The following OVOL2 variants were observed in gnomAD, a reference collection of about 807,000 sequenced individuals.
OVOL2 encodes the protein ovo like zinc finger 2.
In OVOL2, 13 loss-of-function variants were observed where a neutral mutation model predicts 18.1. That is an observed-to-expected ratio of 0.72 (90% CI 0.47 to 1.14). The LOEUF (loss-of-function observed/expected upper bound fraction) is 1.14, where lower values mean the gene tolerates loss of function less well. OVOL2 is among the 50% of genes most tolerant of loss of function. The pLI is 0.00. For synonymous variants in OVOL2, 166 were observed against 162.7 expected, an observed-to-expected ratio of 1.02 and a Z score of -0.16; for missense variants, 335 against 383.0, an observed-to-expected ratio of 0.87 and a Z score of 1.05.
chr20:18,054,428 C>T (rs1009983836), intron 2 of OVOL2, among the ~76,000 whole-genome samples: 1 of 152,162 alleles, frequency 6.6e-6, no homozygotes, highest in Non-Finnish European at 1.5e-5. Context: ...TTCTTGTGGT[C>T]CTGGGAGCCC....
intron 3 of OVOL2, among the ~76,000 whole-genome samples, chr20:18,041,008 C>T (rs994539658): frequency 3.3e-5 from 5 of 152,110 alleles, no homozygotes; most frequent in Admixed American, 6.5e-5. Context: ...TTTTGAGCCT[C>T]GCTAGAACTC....
chr20:18,046,572 T>G (rs1310247177), intron 2 of OVOL2, among the ~76,000 whole-genome samples: 1 of 152,246 alleles, frequency 6.6e-6, no homozygotes, highest in Non-Finnish European at 1.5e-5. Context: ...TTGGAGATTC[T>G]TGTGAAGCAG....
intron 3 of OVOL2, among the ~76,000 whole-genome samples, chr20:18,039,169 T>C (rs2036646326): frequency 6.6e-6 from 1 of 152,098 alleles, no homozygotes; most frequent in African/African-American, 2.4e-5. Flanking sequence ...CTGAGAGGGG[T>C]AGTGACTTCT....
chr20:18,030,163 C>A (rs1008062041), intron 3 of OVOL2, among the ~76,000 whole-genome samples: 4 of 152,224 alleles, frequency 2.6e-5, no homozygotes, highest in Non-Finnish European at 5.9e-5. Flanking sequence ...CTAAGGAATG[C>A]GCCCGCTCTA....
chr20:18,027,103 A>C (rs1044387677), intron 3 of OVOL2, among the ~76,000 whole-genome samples: 7 of 108,244 alleles, frequency 6.5e-5, no homozygotes, highest in South Asian at 3.6e-4. Flanking sequence ...ATCTAAAATC[A>C]AAGTTGAATT....
At chr20:18,035,145 CTCAA>C (rs2036604200) in intron 3 of OVOL2, among the ~76,000 whole-genome samples, 2 of 152,160 alleles carry the variant, frequency 1.3e-5, no homozygotes, top group South Asian at 4.1e-4. Context: ...ACACTCACAG[CTCAA>C]TCAAAGGCAA....
intron 2 of OVOL2, among the ~76,000 whole-genome samples, chr20:18,047,999 G>T (rs898463220): frequency 6.6e-6 from 1 of 151,398 alleles, no homozygotes; most frequent in Non-Finnish European, 1.5e-5. Context: ...AAAATTTCTT[G>T]TTTCTCGGCC....
chr20:18,056,802 C>A lies in OVOL2; in HGVS notation c.176G>T (p.Ser59Ile), dbSNP rs1448632413. The A allele has an allele frequency of 1.3e-6, 2 of 1,493,136 alleles. No individual in the cohort carries two copies. The highest frequency in any genetic ancestry group is 1.5e-5 in the African/African-American group (1 of 68,602). 92.5% of individuals were successfully genotyped at this position (1,493,136 alleles called of 1,614,324 possible). The change falls in exon 2 of 4, where the codon AGC becomes ATC. Residue 59 changes from serine (S) to isoleucine (I), a missense_variant. By Grantham distance (142) the Ser-to-Ile change is moderately radical. Transcript: ENST00000278780. This position sits in a 1 kb window ranked among gnomAD's most constrained non-coding sequence, Gnocchi z 4.2. ...TCCTCCAGGCTCCCCCGCGCTGCTG[C>A]TGCCGCTGCCGCTGCTGCTGCCGCC... The part of the protein sequence containing the change: ...SDGGSSSGSG[S>I]SSAGEPGGAE...
At chr20:18,028,031 G>A (rs6105858) in intron 3 of OVOL2, among the ~76,000 whole-genome samples, 20,546 of 151,976 alleles carry the variant, frequency 0.14, 1,545 homozygotes, top group East Asian at 0.32. Context: ...CCACAGCCAC[G>A]AGACCATCCT....
intron 2 of OVOL2, among the ~76,000 whole-genome samples, chr20:18,054,973 CT>C (rs1433179213): frequency 6.6e-6 from 1 of 152,082 alleles, no homozygotes; most frequent in Admixed American, 6.5e-5. Context: ...AAAATGTTTC[CT>C]TTTTGGGGGT....
chr20:18,057,017 G>A lies in OVOL2; in HGVS notation c.101-140C>T, dbSNP rs1222153421. The stretch of plus-strand genomic sequence containing the variant: ...GCCAAGTGGGCAACGTCGCGGGGGA[G>A]GCCAGTAAGCCCCGAATCGGCCCAC... On this transcript the variant is annotated intron_variant, in intron 1 of 3. Coordinates refer to ENST00000278780, the MANE Select transcript of OVOL2 (RefSeq NM_021220.4). The surrounding 1 kb of genome is among the most constrained non-coding windows in gnomAD (Gnocchi z 6.3). 3.0e-6 allele frequency: 3 copies of A among 987,820 alleles called. No homozygotes were observed. Among genetic ancestry groups the A allele is most frequent in the Non-Finnish European group, 4.1e-6 (3 of 727,560 alleles). 61.2% of individuals were successfully genotyped at this position (987,820 alleles called of 1,614,324 possible). A position where few individuals can be genotyped will look rare whatever the true frequency, so the allele number is the denominator to read the frequency against.
chr20:18,032,317 GAGAAAGAAAGAGAGAA>G (rs1368660167), intron 3 of OVOL2, among the ~76,000 whole-genome samples: 5 of 140,816 alleles, frequency 3.6e-5, no homozygotes, highest in East Asian at 4.4e-4. Context: ...GAGAGAGAGA[GAGAAAGAAAGAGAGAA>G]AGAAAGAAAG....
chr20:18,049,926 A>G (rs1404839974), intron 2 of OVOL2, among the ~76,000 whole-genome samples: 1 of 152,212 alleles, frequency 6.6e-6, no homozygotes, highest in Non-Finnish European at 1.5e-5. Flanking sequence ...TACGGCTGAC[A>G]TACTGGACAG....
At position 18,057,415 on chromosome 20, in the gene OVOL2, C is replaced by A. The variant is rs565221678; in HGVS notation, c.100+120G>T. 41 of 1,170,286 alleles carry A rather than the reference C, an allele frequency of 3.5e-5. No homozygotes were observed. In the African/African-American group the frequency reaches 6.0e-4, roughly 17 times the overall value. The allele number at this position is 1,170,286 out of a possible 1,614,324, so 72.5% of individuals were successfully genotyped here. ...AACCCGCCTAGAAGACCCCCGCGTG[C>A]CCCCCGGAAGAGGGGGATGAGGTGG... On this transcript the variant is annotated intron_variant, in intron 1 of 3. Transcript: ENST00000278780. The surrounding 1 kb of genome is among the most constrained non-coding windows in gnomAD (Gnocchi z 6.3).
Position 18,057,768 on chromosome 20 carries a change from C to G in OVOL2, c.-134G>C. ...GCCTCGCCTGCCCTCTTCCTCCACC[C>G]CCCGCCGCGGCGCGGCCCAGGCCTC... On this transcript the variant is annotated 5_prime_UTR_variant, in exon 1 of 4. Coordinates refer to ENST00000278780, the MANE Select transcript of OVOL2 (RefSeq NM_021220.4). This position sits in a 1 kb window ranked among gnomAD's most constrained non-coding sequence, Gnocchi z 6.3. The G allele has an allele frequency of 1.4e-6, 2 of 1,410,744 alleles. No individual in the cohort carries two copies. The highest frequency in any genetic ancestry group is 2.8e-5 in the East Asian group (1 of 35,278). The allele number at this position is 1,410,744 out of a possible 1,614,324, so 87.4% of individuals were successfully genotyped here.
intron 3 of OVOL2, among the ~76,000 whole-genome samples, chr20:18,035,660 A>G (rs2036609330): frequency 6.6e-6 from 1 of 152,214 alleles, no homozygotes; most frequent in Admixed American, 6.5e-5. Flanking sequence ...GCTTGCCACC[A>G]GCTGATGTGT....
chr20:18,027,707 G>C (rs182444063), intron 3 of OVOL2, among the ~76,000 whole-genome samples: 2 of 151,046 alleles, frequency 1.3e-5, no homozygotes, highest in African/African-American at 4.9e-5. Context: ...ATCATTCTCC[G>C]GCCTCAGCCT....
At chr20:18,054,711 A>C (rs563186664) in intron 2 of OVOL2, among the ~76,000 whole-genome samples, 18 of 149,514 alleles carry the variant, frequency 1.2e-4, no homozygotes, top group African/African-American at 4.2e-4. Context: ...CATTGCACTC[A>C]GCTAAGATCC....
intron 2 of OVOL2, among the ~76,000 whole-genome samples, chr20:18,051,800 T>C (rs1274272514): frequency 6.6e-6 from 1 of 152,212 alleles, no homozygotes; most frequent in East Asian, 1.9e-4. Flanking sequence ...TGGTGCAATC[T>C]TGGCTCACTG....
Sources: gnomAD v4.1 joint callset for allele counts (sites outside exome capture counted in the v4.1 genomes callset) on GRCh38, gnomAD v4.1.1 for gene constraint, Gnocchi (gnomAD v3.1) non-coding constraint, MANE v1.5 for transcripts, NCBI Gene and HGNC (gene_info 2026-07-23, HGNC 2026-07-21) for gene names.